Variants in LPA observed in about 807,000 individuals in gnomAD.
The protein encoded by LPA is apolipoprotein(a).
Under a neutral mutation model 197.9 loss-of-function variants are expected in LPA, and 199 were observed. That is an observed-to-expected ratio of 1.01 (90% CI 0.90 to 1.13). The LOEUF (loss-of-function observed/expected upper bound fraction) is 1.13. Among genes scored for constraint, LPA ranks in the 50% most tolerant of loss-of-function variants. The pLI is 0.00. For missense variants in LPA, 1,853 were observed against 1,785.8 expected (o/e 1.04, Z -0.68); for synonymous variants, 715 against 639.5 (o/e 1.12, Z -1.78).
rs749761056 is a variant in LPA at position 160,594,120 on chromosome 6, G to A, written c.3470-3C>T. The A allele has an allele frequency of 6.2e-7, 1 of 1,613,808 alleles. No homozygotes were observed. Among genetic ancestry groups the A allele is most frequent in the Non-Finnish European group, 8.5e-7 (1 of 1,179,764 alleles). On this transcript the variant is annotated splice_region_variant and splice_polypyrimidine_tract_variant and intron_variant, in intron 21 of 38. Transcript: ENST00000316300. ...CCCGGGGCTTTGCTCCGTTGGTGCT[G>A]AAATTCAAAGAGGAGAAATCAAGCT...
chr6:160,592,366 T>C (rs1348883379), intron 22 of LPA, among the ~76,000 whole-genome samples: 1 of 152,120 alleles, frequency 6.6e-6, no homozygotes. Flanking sequence ...ATATAACTTT[T>C]CTCAGTTTTT....
At chr6:160,573,615 T>A (rs187447044) in intron 28 of LPA, among the ~76,000 whole-genome samples, 1 of 152,302 alleles carries the variant, frequency 6.6e-6, no homozygotes, top group Admixed American at 6.5e-5. Flanking sequence ...CCATGGGGTG[T>A]TCCCTTGATG....
chr6:160,549,754 C>T (rs1213797716), intron 30 of LPA, among the ~76,000 whole-genome samples: 1 of 152,176 alleles, frequency 6.6e-6, no homozygotes. Context: ...CTGGGCAGAA[C>T]CTCCTCTCCT....
In LPA at chr6:160,589,688, A is replaced by G. The variant is rs759731842; in HGVS notation, c.3812T>C (p.Val1271Ala). The G allele has an allele frequency of 1.5e-5, 24 of 1,613,786 alleles. No individual in the cohort carries two copies. The highest frequency in any genetic ancestry group is 1.9e-5 in the Non-Finnish European group (23 of 1,179,840). ...EQAPTEQSPT[V>A]QDCYHGDGQS... Reference sequence around the variant, plus strand: ...TCCATCACCATGGTAGCAGTCCTGGACTGTGGGGCTTTGCTCCGTTGGTGC... The same window carrying G: ...TCCATCACCATGGTAGCAGTCCTGGGCTGTGGGGCTTTGCTCCGTTGGTGC... The change falls in exon 24 of 39, where the codon GTC becomes GCC. Residue 1271 changes from valine to alanine, a missense_variant. Physicochemically the swap from Val to Ala is moderately conservative, Grantham distance 64 (BLOSUM62 0). This residue lies in a region of LPA where 1,737 missense variants were observed against 1,504.4 expected (regional missense o/e 1.15). Coordinates refer to ENST00000316300, the MANE Select transcript of LPA (RefSeq NM_005577.4).
chr6:160,653,576 C>A (rs1023565586), intron 1 of LPA, among the ~76,000 whole-genome samples: 2 of 151,866 alleles, frequency 1.3e-5, no homozygotes, highest in African/African-American at 4.8e-5. Flanking sequence ...CAGAGAGATT[C>A]CTAGCCAAAG....
intron 1 of LPA, among the ~76,000 whole-genome samples, chr6:160,663,030 G>A (rs1200089021): frequency 6.6e-6 from 1 of 152,196 alleles, no homozygotes; most frequent in Non-Finnish European, 1.5e-5. Context: ...ACTACCTGGT[G>A]GATAAGGTGC....
At chr6:160,562,332 G>A (rs1209631253) in intron 28 of LPA, among the ~76,000 whole-genome samples, 1 of 152,190 alleles carries the variant, frequency 6.6e-6, no homozygotes, top group Non-Finnish European at 1.5e-5. Flanking sequence ...TAATCATACG[G>A]TTTTTGTCAT....
chr6:160,573,990 C>T (rs557933637), intron 28 of LPA, among the ~76,000 whole-genome samples: 1 of 152,096 alleles, frequency 6.6e-6, no homozygotes, highest in African/African-American at 2.4e-5. Flanking sequence ...CTTCTGCTAC[C>T]AGGGTGGGTA....
At chr6:160,592,126 C>T (rs1351506639) in intron 22 of LPA, among the ~76,000 whole-genome samples, 2 of 152,074 alleles carry the variant, frequency 1.3e-5, no homozygotes, top group Non-Finnish European at 2.9e-5. Flanking sequence ...TTATCTTTTT[C>T]CTCTCTTTCT....
At chr6:160,537,986 T>G (rs57976993) in intron 36 of LPA, 25 bp from the exon 37 acceptor site, 2 of 1,600,372 alleles carry the variant, frequency 1.2e-6, no homozygotes, top group African/African-American at 1.3e-5. Context: ...TTAGCAGTTA[T>G]GTTTCACTGC....
intron 18 of LPA, among the ~76,000 whole-genome samples, chr6:160,604,366 C>T (rs1779303384): frequency 6.6e-6 from 1 of 152,184 alleles, no homozygotes. Context: ...TGTTGTCCAA[C>T]ATGTAGAAAC....
rs752135419 is a variant in LPA at position 160,540,030 on chromosome 6, G to C, written c.5735+13C>G. 1.2e-6 allele frequency: 2 copies of C among 1,614,102 alleles called. No individual in the cohort carries two copies. The highest frequency in any genetic ancestry group is 1.7e-6 in the Non-Finnish European group (2 of 1,180,006). ...TCACCAGCGTGGGGTGAAGACCACA[G>C]GTGAGCGAGTACCTGCTTAGCTTTA... On this transcript the variant is annotated intron_variant, in intron 36 of 38. Transcript: ENST00000316300.
At chr6:160,580,087 C>A (rs1778763684) in intron 26 of LPA, among the ~76,000 whole-genome samples, 1 of 152,150 alleles carries the variant, frequency 6.6e-6, no homozygotes, top group Non-Finnish European at 1.5e-5. Flanking sequence ...GTTTCTTTCA[C>A]CATAAATTGT....
At chr6:160,650,235 G>A in intron 2 of LPA, 103 bp downstream of exon 2, 1 of 1,144,228 alleles carries the variant, frequency 8.7e-7, no homozygotes, top group Non-Finnish European at 1.3e-6. Flanking sequence ...TGCATTCTAT[G>A]TGTGAGAAAA....
intron 30 of LPA, among the ~76,000 whole-genome samples, chr6:160,552,086 A>AT (rs1212685981): frequency 6.6e-6 from 1 of 151,994 alleles, no homozygotes; most frequent in African/African-American, 2.4e-5. Flanking sequence ...CTAATTGTTT[A>AT]TTTTTTGTAG....
chr6:160,577,333 C>T (rs1562328520), intron 27 of LPA, 38 bp from the exon 28 acceptor site: 5 of 1,595,252 alleles, frequency 3.1e-6, no homozygotes, highest in Admixed American at 1.7e-5. Flanking sequence ...TCAGTAATTG[C>T]ATGAGCAGAG....
intron 22 of LPA, among the ~76,000 whole-genome samples, chr6:160,592,654 G>T (rs138103927): frequency 2.6e-5 from 4 of 152,248 alleles, no homozygotes; most frequent in Admixed American, 1.3e-4. Context: ...ACTTGTATTC[G>T]TTCCTTACCT....
intron 24 of LPA, among the ~76,000 whole-genome samples, chr6:160,587,688 A>G (rs576787101): frequency 6.6e-6 from 1 of 151,872 alleles, no homozygotes; most frequent in African/African-American, 2.4e-5. Flanking sequence ...CCTAACACAT[A>G]TATTAAATGT....
At chr6:160,598,138 G>T (rs769297917) in intron 20 of LPA, among the ~76,000 whole-genome samples, 4 of 152,160 alleles carry the variant, frequency 2.6e-5, no homozygotes, top group Non-Finnish European at 4.4e-5. Context: ...ATATTCCAGA[G>T]CACTATGTGA....
Sources: allele counts gnomAD v4.1 joint callset (sites outside exome capture counted in the v4.1 genomes callset), GRCh38; gene constraint gnomAD v4.1.1; regional missense constraint gnomAD v4.1.1; transcripts MANE v1.5; gene names NCBI Gene and HGNC (gene_info 2026-07-23, HGNC 2026-07-21).